The following RBMS3 variants were observed in gnomAD, a reference collection of about 807,000 sequenced individuals.
The protein encoded by RBMS3 is RNA binding motif single stranded interacting protein 3, also known as RNA-binding motif, single-stranded-interacting protein 3.
RBMS3 carries 27 observed loss-of-function variants against 66.8 expected under a neutral mutation model. The ratio of observed to expected loss-of-function variants is 0.40; its 90% CI spans 0.30 to 0.56. The LOEUF is 0.56. RBMS3 is among the 20% of genes least tolerant of loss of function. The pLI is 0.40. For synonymous variants in RBMS3, 188 were observed against 183.0 expected, an observed-to-expected ratio of 1.03 and a Z score of -0.22; for missense variants, 513 against 549.5, an observed-to-expected ratio of 0.93 and a Z score of 0.66.
At chr3:29,837,887 T>A (rs1033677086) in intron 6 of RBMS3, among the ~76,000 whole-genome samples, 1 of 151,248 alleles carries the variant, frequency 6.6e-6, no homozygotes, top group Non-Finnish European at 1.5e-5. Context: ...TACAGAGCCC[T>A]GGTACTGCAT....
chr3:29,951,946 T>C (rs1695709456), intron 12 of RBMS3, among the ~76,000 whole-genome samples: 1 of 151,746 alleles, frequency 6.6e-6, no homozygotes, highest in African/African-American at 2.4e-5. Flanking sequence ...ATGCATAAAA[T>C]TATTATCATA....
chr3:29,450,511 C>T (rs1279083281), intron 2 of RBMS3, among the ~76,000 whole-genome samples: 1 of 152,180 alleles, frequency 6.6e-6, no homozygotes, highest in African/African-American at 2.4e-5. Flanking sequence ...TCTTTTCAAG[C>T]ACACCATTAA....
intron 6 of RBMS3, among the ~76,000 whole-genome samples, chr3:29,791,366 T>C (rs1369610233): frequency 6.6e-6 from 1 of 152,226 alleles, no homozygotes; most frequent in Non-Finnish European, 1.5e-5. Context: ...TGAAATGATG[T>C]TTAAAAGCCT....
intron 3 of RBMS3, among the ~76,000 whole-genome samples, chr3:29,504,699 C>T (rs1179943313): frequency 1.3e-5 from 2 of 151,964 alleles, no homozygotes; most frequent in African/African-American, 2.4e-5. Context: ...TACTAATTTA[C>T]ATTCCCACCA....
At chr3:29,682,637 G>A (rs2051547757) in intron 4 of RBMS3, among the ~76,000 whole-genome samples, 1 of 152,162 alleles carries the variant, frequency 6.6e-6, no homozygotes, top group South Asian at 2.1e-4. Context: ...CCCATTGTAG[G>A]TTTGGGGAGC....
intron 6 of RBMS3, among the ~76,000 whole-genome samples, chr3:29,791,736 G>T (rs769802321): frequency 6.6e-6 from 1 of 152,068 alleles, no homozygotes; most frequent in Non-Finnish European, 1.5e-5. Context: ...AGAACATCCT[G>T]ACAGCGTTCA....
At chr3:29,810,980 T>C (rs2057713521) in intron 6 of RBMS3, among the ~76,000 whole-genome samples, 1 of 152,210 alleles carries the variant, frequency 6.6e-6, no homozygotes, top group South Asian at 2.1e-4. Flanking sequence ...ATGAACATTG[T>C]CTCCATAAAA....
chr3:29,282,411 T>A (rs1485007490), intron 1 of RBMS3, among the ~76,000 whole-genome samples: 2 of 152,168 alleles, frequency 1.3e-5, no homozygotes, highest in African/African-American at 4.8e-5. Context: ...TGAGGAGGCC[T>A]GAGTCTTGAA....
chr3:29,908,362 G>A (rs1166839576), intron 10 of RBMS3, among the ~76,000 whole-genome samples: 4 of 151,980 alleles, frequency 2.6e-5, no homozygotes, highest in Non-Finnish European at 5.9e-5. Flanking sequence ...CAAATCAATT[G>A]GATTGTGAAA....
At chr3:29,994,796 A>C (rs1441447107) in intron 14 of RBMS3, among the ~76,000 whole-genome samples, 14 of 152,216 alleles carry the variant, frequency 9.2e-5, no homozygotes, top group Non-Finnish European at 1.9e-4. Flanking sequence ...CAAAGACCAA[A>C]AGTAGATAAA....
intron 12 of RBMS3, among the ~76,000 whole-genome samples, chr3:29,946,103 A>G (rs1368274114): frequency 6.6e-6 from 1 of 151,736 alleles, no homozygotes; most frequent in Non-Finnish European, 1.5e-5. Context: ...GTAAGATTTA[A>G]TTGGTAGTTT....
chr3:29,653,680 G>T (rs1273803922), intron 4 of RBMS3, among the ~76,000 whole-genome samples: 1 of 152,102 alleles, frequency 6.6e-6, no homozygotes, highest in Non-Finnish European at 1.5e-5. Context: ...GCCCATAAAA[G>T]TTGAAGTTTT....
chr3:29,696,688 CA>C (rs2052294367), intron 4 of RBMS3, among the ~76,000 whole-genome samples: 1 of 152,120 alleles, frequency 6.6e-6, no homozygotes, highest in Non-Finnish European at 1.5e-5. Flanking sequence ...TCTTGCTCCC[CA>C]AGGAGCAGAT....
At chr3:29,455,056 C>G (rs1029632018) in intron 2 of RBMS3, among the ~76,000 whole-genome samples, 2 of 151,606 alleles carry the variant, frequency 1.3e-5, no homozygotes, top group Non-Finnish European at 2.9e-5. Flanking sequence ...CCCTCCCTAT[C>G]TATCTGTTGA....
intron 3 of RBMS3, among the ~76,000 whole-genome samples, chr3:29,527,181 TAAAAAAAAAAAAAA>T (rs538907247): frequency 1.1e-5 from 1 of 87,828 alleles, no homozygotes; most frequent in African/African-American, 4.7e-5. Context: ...TTAGGTAGAG[TAAAAAAAAAAAAAA>T]AAAAAAAAAA....
intron 2 of RBMS3, among the ~76,000 whole-genome samples, chr3:29,450,607 G>A (rs1483835035): frequency 1.3e-5 from 2 of 151,958 alleles, no homozygotes; most frequent in Admixed American, 6.6e-5. Flanking sequence ...TGGCATTGAT[G>A]CTAATTGCTA....
At chr3:29,989,071 C>T (rs1273737458) in intron 13 of RBMS3, among the ~76,000 whole-genome samples, 1 of 152,168 alleles carries the variant, frequency 6.6e-6, no homozygotes, top group Non-Finnish European at 1.5e-5. Flanking sequence ...GTACCAAAGA[C>T]TAGAAACCAT....
chr3:29,913,654 A>G (rs1294947212), intron 10 of RBMS3, among the ~76,000 whole-genome samples: 1 of 151,978 alleles, frequency 6.6e-6, no homozygotes, highest in East Asian at 1.9e-4. Flanking sequence ...GGTTCTGAAT[A>G]ATAACCTTAA....
chr3:29,436,253 G>A (rs1190924479), intron 2 of RBMS3, among the ~76,000 whole-genome samples: 1 of 152,046 alleles, frequency 6.6e-6, no homozygotes, highest in African/African-American at 2.4e-5. Flanking sequence ...TTTTAAGATT[G>A]GGAATACATA....
Sources: allele counts gnomAD v4.1 joint callset (sites outside exome capture counted in the v4.1 genomes callset), GRCh38; gene constraint gnomAD v4.1.1; transcripts MANE v1.5; gene names NCBI Gene and HGNC (gene_info 2026-07-23, HGNC 2026-07-21).